Variants in DARS2 observed in about 807,000 individuals in gnomAD.
The protein encoded by DARS2 is aspartyl-tRNA synthetase 2, mitochondrial, also known as aspartate--tRNA ligase, mitochondrial.
A neutral mutation model predicts 83.0 loss-of-function variants in DARS2; 63 were observed. That is an observed-to-expected ratio of 0.76 (90% CI 0.62 to 0.94). DARS2 has a LOEUF of 0.94. Among genes scored for constraint, DARS2 ranks in the 40% least tolerant of loss-of-function variants. The pLI, the probability that DARS2 is intolerant of heterozygous loss-of-function variation, is 0.00. For missense variants in DARS2, 675 were observed against 774.4 expected (o/e 0.87, Z 1.52); for synonymous variants, 250 against 269.3 (o/e 0.93, Z 0.70).
rs148979224 is a variant in DARS2, at chr1:173,834,030, G to A, written c.617-443G>A. 2.6e-5 allele frequency among the ~76,000 whole-genome samples: 4 copies of A among 152,150 alleles called. No individual in the cohort carries two copies. The East Asian group carries it at 5.8e-4, about 22-fold the overall frequency. On this transcript the variant is annotated intron_variant, in intron 6 of 16. Coordinates refer to ENST00000649689, the MANE Select transcript of DARS2 (RefSeq NM_018122.5). Reference sequence around the variant, plus strand: ...TCCCACCTAACCATCCCAAAGTGCTGGGATTACAGGCATGAACCACGATAC... The same window carrying A: ...TCCCACCTAACCATCCCAAAGTGCTAGGATTACAGGCATGAACCACGATAC...
intron 2 of DARS2, among the ~76,000 whole-genome samples, chr1:173,827,143 T>C (rs1198093090): frequency 1.3e-5 from 2 of 152,084 alleles, no homozygotes; most frequent in Admixed American, 6.6e-5. Flanking sequence ...AAACCAGCTG[T>C]TAAACTCCAA....
At chr1:173,841,913 A>C (rs186128484) in intron 11 of DARS2, among the ~76,000 whole-genome samples, 6 of 152,192 alleles carry the variant, frequency 3.9e-5, no homozygotes, top group Admixed American at 2.0e-4. Flanking sequence ...TTGTCTGTCT[A>C]TCTCTTAGCC....
intron 2 of DARS2, among the ~76,000 whole-genome samples, chr1:173,827,909 A>G (rs1401507866): frequency 6.6e-6 from 1 of 152,220 alleles, no homozygotes; most frequent in Non-Finnish European, 1.5e-5. Flanking sequence ...ATGATCCATC[A>G]GATGTTTCTA....
At chr1:173,830,493 GA>G (rs1557854517) in intron 3 of DARS2, among the ~76,000 whole-genome samples, 166 bp from the exon 4 acceptor site, 1 of 152,184 alleles carries the variant, frequency 6.6e-6, no homozygotes, top group Non-Finnish European at 1.5e-5. Flanking sequence ...TCAAAATGGG[GA>G]TGCAGTTTTT....
intron 11 of DARS2, among the ~76,000 whole-genome samples, chr1:173,844,720 G>A (rs1653357757): frequency 8.9e-6 from 1 of 112,652 alleles, no homozygotes; most frequent in Admixed American, 1.0e-4. Context: ...CTGCATAACT[G>A]GAAAAAATAA....
intron 15 of DARS2, among the ~76,000 whole-genome samples, chr1:173,856,220 T>C (rs903511546): frequency 1.3e-5 from 2 of 152,212 alleles, no homozygotes; most frequent in Non-Finnish European, 2.9e-5. Context: ...CCCACAAAAG[T>C]TACTCACAAG....
intron 7 of DARS2, among the ~76,000 whole-genome samples, chr1:173,835,899 CAAA>C (rs932539949): frequency 2.0e-5 from 3 of 151,542 alleles, no homozygotes; most frequent in Non-Finnish European, 1.5e-5. Flanking sequence ...ACTAAAAATA[CAAA>C]AAAAATTAGC....
intron 7 of DARS2, 78 bp from the exon 8 acceptor site, chr1:173,836,860 CTT>C: frequency 8.7e-7 from 1 of 1,147,924 alleles, no homozygotes. Context: ...GAAGTAACAA[CTT>C]CTACTAGTTA....
At chr1:173,841,624 G>A (rs1168197910) in intron 11 of DARS2, among the ~76,000 whole-genome samples, 1 of 151,642 alleles carries the variant, frequency 6.6e-6, no homozygotes, top group East Asian at 1.9e-4. Flanking sequence ...ACCAGCCTGG[G>A]GAACATAGAC....
Position 173,826,668 on chromosome 1 carries a change from T to C in DARS2, c.128-19T>C, listed in dbSNP as rs2102633736. ...TTAATCTTGCCTTTTAAAGTTTCTT[T>C]TTTTTTTTTTTTTTAAAGAATTCAG... On this transcript the variant is annotated intron_variant, in intron 1 of 16. Transcript: ENST00000649689. The C allele has an allele frequency of 6.6e-7, 1 of 1,521,842 alleles. No homozygotes were observed. The highest frequency in any genetic ancestry group is 8.9e-7 in the Non-Finnish European group (1 of 1,120,902). 94.3% of individuals were successfully genotyped at this position (1,521,842 alleles called of 1,614,324 possible).
Position 173,853,893 on chromosome 1 carries a change from A to T in DARS2, c.1662A>T (p.Ala554=), listed in dbSNP as rs758536422. 9 of 1,613,526 alleles carry T rather than the reference A, an allele frequency of 5.6e-6. No individual in the cohort carries two copies. In the African/African-American group the frequency reaches 9.3e-5, roughly 17 times the overall value. ...CAGAGCTGCAGCGTTATATCCTGGCAACCTTACTAAAGGTAACAAACATCA... is the reference window on the plus strand; with the variant it reads ...CAGAGCTGCAGCGTTATATCCTGGCTACCTTACTAAAGGTAACAAACATCA... The part of the protein sequence containing the change: ...HNAELQRYIL[A]TLLKEDVKML... Residue 554 remains alanine (A), a synonymous_variant, in exon 15 of 17, where the codon GCA becomes GCT. Coordinates refer to ENST00000649689, the MANE Select transcript of DARS2 (RefSeq NM_018122.5).
Position 173,853,580 on chromosome 1 carries a change from T to C in DARS2, c.1563+13T>C. On this transcript the variant is annotated intron_variant, in intron 14 of 16. Coordinates refer to ENST00000649689, the MANE Select transcript of DARS2 (RefSeq NM_018122.5). The stretch of plus-strand genomic sequence containing the variant: ...TGAGCCCAAAAAGGTACCGTATCTA[T>C]ACTTCCAAATCAAAAGGAAATGTGT... 6.2e-7 allele frequency: 1 copy of C among 1,613,630 alleles called. No individual in the cohort carries two copies. The highest frequency in any genetic ancestry group is 8.5e-7 in the Non-Finnish European group (1 of 1,179,608).
intron 6 of DARS2, among the ~76,000 whole-genome samples, chr1:173,833,846 A>G (rs1652882649): frequency 6.6e-6 from 1 of 151,894 alleles, no homozygotes. Flanking sequence ...TGCAGCCTCA[A>G]CCTTTTAGGC....
intron 16 of DARS2, 42 bp from the exon 17 acceptor site, chr1:173,857,476 A>T: frequency 6.3e-7 from 1 of 1,578,380 alleles, no homozygotes; most frequent in Non-Finnish European, 8.7e-7. Flanking sequence ...TTCCAACATT[A>T]GATTACATTT....
chr1:173,843,434 C>T (rs1247982036), intron 11 of DARS2, among the ~76,000 whole-genome samples: 1 of 152,102 alleles, frequency 6.6e-6, no homozygotes, highest in South Asian at 2.1e-4. Flanking sequence ...GTTGTGCGCA[C>T]CTGTAGTCCC....
chr1:173,842,848 G>A (rs1380059565), intron 11 of DARS2, among the ~76,000 whole-genome samples: 1 of 149,032 alleles, frequency 6.7e-6, no homozygotes, highest in Non-Finnish European at 1.5e-5. Context: ...TGAGGCAGGA[G>A]AATCACTTGA....
At chr1:173,853,324 C>T in intron 13 of DARS2, 25 bp from the exon 14 acceptor site, 1 of 1,605,364 alleles carries the variant, frequency 6.2e-7, no homozygotes. Flanking sequence ...GAAGTTAACT[C>T]AATGTTTACG....
chr1:173,845,874 T>C (rs1276013223), intron 12 of DARS2, among the ~76,000 whole-genome samples: 1 of 151,982 alleles, frequency 6.6e-6, no homozygotes, highest in Admixed American at 6.6e-5. Flanking sequence ...ATAAAAAAAA[T>C]TGGCCGGGCG....
At chr1:173,831,677 A>T in intron 5 of DARS2, 47 bp downstream of exon 5, 1 of 1,392,672 alleles carries the variant, frequency 7.2e-7, no homozygotes, top group Non-Finnish European at 1.0e-6. Flanking sequence ...GAAAATGTTG[A>T]TGACTAGTCA....
Sources: gnomAD v4.1 joint callset for allele counts (sites outside exome capture counted in the v4.1 genomes callset) on GRCh38, gnomAD v4.1.1 for gene constraint, MANE v1.5 for transcripts, NCBI Gene and HGNC (gene_info 2026-07-23, HGNC 2026-07-21) for gene names.